The following CEP170 variants were observed in gnomAD, a reference collection of about 807,000 sequenced individuals.
CEP170 encodes centrosomal protein of 170 kDa.
CEP170 carries 21 observed loss-of-function variants against 151.9 expected under a neutral mutation model. The ratio of observed to expected loss-of-function variants is 0.14; its 90% CI spans 0.10 to 0.20. The LOEUF is 0.20. Among genes scored for constraint, CEP170 ranks in the 10% least tolerant of loss-of-function variants. The pLI is 1.00. For synonymous variants in CEP170, 356 were observed against 648.8 expected, an observed-to-expected ratio of 0.55 and a Z score of 6.86; for missense variants, 964 against 1,892.9, an observed-to-expected ratio of 0.51 and a Z score of 9.11.
chr1:243,227,478 A>C (rs1433227006), intron 1 of CEP170, among the ~76,000 whole-genome samples: 1 of 152,212 alleles, frequency 6.6e-6, no homozygotes. Flanking sequence ...TATACAGCAT[A>C]AGTGCTCTAT....
chr1:243,186,603 T>C, intron 8 of CEP170, 181 bp from the exon 9 acceptor site: 1 of 579,794 alleles, frequency 1.7e-6, no homozygotes, highest in Non-Finnish European at 3.0e-6. Flanking sequence ...TCAAATTTTA[T>C]CAACTAACAA....
intron 17 of CEP170, among the ~76,000 whole-genome samples, chr1:243,130,011 G>A (rs866438040): frequency 1.3e-5 from 2 of 152,022 alleles, no homozygotes; most frequent in East Asian, 1.9e-4. Context: ...TGTATGTGTA[G>A]GAAAATACAC....
chr1:243,246,215 A>T (rs1038892265), intron 1 of CEP170, among the ~76,000 whole-genome samples: 1 of 147,938 alleles, frequency 6.8e-6, no homozygotes, highest in Non-Finnish European at 1.5e-5. Context: ...TGTCCATTAC[A>T]GTGTTGTTTA....
chr1:243,229,426 G>GAA lies in CEP170; in HGVS notation c.-41-4107_-41-4106dup, dbSNP rs1235298457. Reference sequence around the variant, plus strand: ...TTCAGGTATCCTGCTTGTAAGGAGGGAAAAAAAAGGCCAAGAAGATAGCAT... The same window carrying GAA: ...TTCAGGTATCCTGCTTGTAAGGAGGGAAAAAAAAAAGGCCAAGAAGATAGCAT... On this transcript the variant is annotated intron_variant, in intron 1 of 19. Coordinates refer to ENST00000366542, the MANE Select transcript of CEP170 (RefSeq NM_014812.3). Among the ~76,000 whole-genome samples the GAA allele has an allele frequency of 3.1e-4, 47 of 151,834 alleles. 1 individual carries two copies. The highest frequency in any genetic ancestry group is 1.1e-3 in the African/African-American group (44 of 41,326).
Position 243,183,406 on chromosome 1 carries a change from A to G in CEP170, c.1566+2373T>C, listed in dbSNP as rs2789114. Among the ~76,000 whole-genome samples, 978 of 152,212 alleles carry G rather than the reference A, an allele frequency of 6.4e-3. 11 individuals are homozygous for G. The highest frequency in any genetic ancestry group is 0.022 in the African/African-American group (929 of 41,490). On this transcript the variant is annotated intron_variant, in intron 10 of 19. Coordinates refer to ENST00000366542, the MANE Select transcript of CEP170 (RefSeq NM_014812.3). ...ATGGAGAAACTGGATGACAACACTC[A>G]TCCAGGCAACTTGATATGATGCCTG...
chr1:243,215,174 G>T (rs372105137), intron 3 of CEP170, among the ~76,000 whole-genome samples: 2 of 152,048 alleles, frequency 1.3e-5, no homozygotes, highest in South Asian at 4.1e-4. Context: ...TCTTAATCCC[G>T]TCATCTTCGT....
chr1:243,172,930 G>A, intron 10 of CEP170, 84 bp from the exon 11 acceptor site: 1 of 1,298,806 alleles, frequency 7.7e-7, no homozygotes, highest in Non-Finnish European at 1.0e-6. Flanking sequence ...AACTTCAGAG[G>A]CAAATAAAAA....
intron 4 of CEP170, among the ~76,000 whole-genome samples, chr1:243,207,566 C>T (rs1312544813): frequency 6.6e-6 from 1 of 151,916 alleles, no homozygotes; most frequent in Non-Finnish European, 1.5e-5. Flanking sequence ...TTCCAACCCC[C>T]AAATAGCAGA....
intron 2 of CEP170, 118 bp from the exon 3 acceptor site, chr1:243,221,931 G>T: frequency 1.2e-6 from 1 of 853,914 alleles, no homozygotes. Context: ...ATCAAAGTAA[G>T]TGTGGATTAA....
chr1:243,156,733 G>T, intron 13 of CEP170: 1 of 287,876 alleles, frequency 3.5e-6, no homozygotes, highest in Non-Finnish European at 6.3e-6. Context: ...TTTCGCTAAT[G>T]ATAAACAACT....
intron 13 of CEP170, among the ~76,000 whole-genome samples, chr1:243,161,930 T>G (rs1444815251): frequency 1.3e-5 from 2 of 152,204 alleles, no homozygotes; most frequent in Non-Finnish European, 2.9e-5. Context: ...GGTAGGTTTG[T>G]TTGTTTGACC....
At chr1:243,182,690 ATG>A (rs1288359935) in intron 10 of CEP170, among the ~76,000 whole-genome samples, 1 of 151,362 alleles carries the variant, frequency 6.6e-6, no homozygotes, top group African/African-American at 2.5e-5. Flanking sequence ...TGAACAAGTC[ATG>A]TGTGCTCCTG....
intron 17 of CEP170, among the ~76,000 whole-genome samples, chr1:243,130,957 A>C (rs2054328287): frequency 1.3e-5 from 2 of 152,140 alleles, no homozygotes; most frequent in Admixed American, 1.3e-4. Flanking sequence ...ATAAGGAAAT[A>C]ATGACTATTT....
At chr1:243,236,861 GTTC>G (rs1027254968) in intron 1 of CEP170, among the ~76,000 whole-genome samples, 5 of 152,150 alleles carry the variant, frequency 3.3e-5, no homozygotes, top group Admixed American at 2.0e-4. Context: ...TTGATTCACT[GTTC>G]TTAGCTCACG....
intron 9 of CEP170, 31 bp from the exon 10 acceptor site, chr1:243,186,103 T>C (rs2148718451): frequency 1.2e-6 from 2 of 1,613,550 alleles, no homozygotes; most frequent in African/African-American, 1.3e-5. Flanking sequence ...CTTTGGCATC[T>C]GCTGTTGGAG....
intron 4 of CEP170, 105 bp downstream of exon 4, chr1:243,211,781 T>C: frequency 7.7e-7 from 1 of 1,302,294 alleles, no homozygotes; most frequent in Non-Finnish European, 1.1e-6. Flanking sequence ...TAAATAGAAA[T>C]TCTGGCATAT....
intron 14 of CEP170, among the ~76,000 whole-genome samples, chr1:243,150,091 C>T (rs931821079): frequency 1.8e-4 from 27 of 152,150 alleles, no homozygotes; most frequent in African/African-American, 5.5e-4. Context: ...TTTTGTCTTA[C>T]AATGCCAAGT....
At chr1:243,202,086 G>A (rs1317556183) in intron 4 of CEP170, among the ~76,000 whole-genome samples, 6 of 151,926 alleles carry the variant, frequency 3.9e-5, no homozygotes, top group African/African-American at 7.3e-5. Flanking sequence ...AAGAAAATGT[G>A]GTATATATAC....
chr1:243,191,940 A>G (rs1294907165), intron 7 of CEP170, among the ~76,000 whole-genome samples: 1 of 152,234 alleles, frequency 6.6e-6, no homozygotes, highest in African/African-American at 2.4e-5. Flanking sequence ...GAACACATGT[A>G]GTGCTCCAAA....
Sources: gnomAD v4.1 joint callset for allele counts (sites outside exome capture counted in the v4.1 genomes callset) on GRCh38, gnomAD v4.1.1 for gene constraint, MANE v1.5 for transcripts, NCBI Gene and HGNC (gene_info 2026-07-23, HGNC 2026-07-21) for gene names.